The following ARB2A variants were observed in gnomAD, a reference collection of about 807,000 sequenced individuals.
The protein encoded by ARB2A is cotranscriptional regulator ARB2A.
At chr5:93,845,545 G>C in the ARB2A span, among the ~76,000 whole-genome samples, 1 of 152,202 alleles carries the variant, frequency 6.6e-6, no homozygotes, top group Admixed American at 6.5e-5. Flanking sequence ...GACTCAGCCA[G>C]TTTATATTTG....
At chr5:94,026,368 C>G in the ARB2A span, among the ~76,000 whole-genome samples, 1 of 151,622 alleles carries the variant, frequency 6.6e-6, no homozygotes, top group Non-Finnish European at 1.5e-5. Context: ...TGTCCTGTGT[C>G]CAAGAAGAAG....
the ARB2A span, among the ~76,000 whole-genome samples, chr5:94,034,764 C>T: frequency 6.6e-6 from 1 of 152,144 alleles, no homozygotes; most frequent in Non-Finnish European, 1.5e-5. Context: ...GTCCCAAACC[C>T]CCAGGCCACA....
chr5:93,790,553 C>A, the ARB2A span, among the ~76,000 whole-genome samples: 1 of 152,072 alleles, frequency 6.6e-6, no homozygotes, highest in South Asian at 2.1e-4. Flanking sequence ...CACACTAGAC[C>A]AGTCATACCA....
chr5:93,998,937 G>A, the ARB2A span, among the ~76,000 whole-genome samples: 13 of 151,996 alleles, frequency 8.6e-5, no homozygotes, highest in Non-Finnish European at 1.9e-4. Context: ...TCTTTTCTTA[G>A]ACAGGTACAT....
At chr5:93,748,742 GC>G in the ARB2A span, among the ~76,000 whole-genome samples, 1 of 151,662 alleles carries the variant, frequency 6.6e-6, no homozygotes, top group Non-Finnish European at 1.5e-5. Context: ...AGCCTCTATT[GC>G]CAGCTAAAAA....
the ARB2A span, among the ~76,000 whole-genome samples, chr5:93,948,215 T>G: frequency 2.0e-5 from 3 of 152,234 alleles, no homozygotes; most frequent in East Asian, 5.8e-4. Context: ...CTAACTGGTT[T>G]GAGATGGTAT....
the ARB2A span, among the ~76,000 whole-genome samples, chr5:93,685,576 G>A: frequency 5.3e-5 from 8 of 152,226 alleles, no homozygotes; most frequent in East Asian, 1.5e-3. Context: ...TCTAAAAGCT[G>A]ATTCTCTAAG....
the ARB2A span, among the ~76,000 whole-genome samples, chr5:93,773,983 C>T: frequency 6.6e-6 from 1 of 152,176 alleles, no homozygotes; most frequent in Non-Finnish European, 1.5e-5. Context: ...GCTTTGTAGC[C>T]TGGGCTGGTA....
the ARB2A span, among the ~76,000 whole-genome samples, chr5:93,684,574 T>A: frequency 5.3e-5 from 8 of 152,344 alleles, no homozygotes; most frequent in East Asian, 1.2e-3. Flanking sequence ...TATGTTTTGC[T>A]ACCCTCAGTA....
At chr5:93,715,905 C>T in the ARB2A span, among the ~76,000 whole-genome samples, 1 of 152,156 alleles carries the variant, frequency 6.6e-6, no homozygotes, top group Non-Finnish European at 1.5e-5. Flanking sequence ...ATTATGGACA[C>T]TTCCTAGCTT....
At chr5:93,823,164 T>A in the ARB2A span, among the ~76,000 whole-genome samples, 1 of 152,346 alleles carries the variant, frequency 6.6e-6, no homozygotes, top group East Asian at 1.9e-4. Context: ...GATTGGTAAC[T>A]TCCTGTAACA....
chr5:93,807,531 A>G, the ARB2A span, among the ~76,000 whole-genome samples: 1 of 151,950 alleles, frequency 6.6e-6, no homozygotes, highest in Non-Finnish European at 1.5e-5. Context: ...TTTCTTAAAC[A>G]CATAAAGCAA....
At chr5:93,882,862 C>A in the ARB2A span, among the ~76,000 whole-genome samples, 1 of 151,490 alleles carries the variant, frequency 6.6e-6, no homozygotes, top group Non-Finnish European at 1.5e-5. Flanking sequence ...CTTATAAAAT[C>A]TCATCCTTAC....
the ARB2A span, among the ~76,000 whole-genome samples, chr5:93,713,938 G>T: frequency 7.9e-5 from 12 of 152,174 alleles, no homozygotes; most frequent in Non-Finnish European, 1.6e-4. Context: ...GTTTACAGGG[G>T]TGAGGAGATA....
the ARB2A span, among the ~76,000 whole-genome samples, chr5:93,693,707 T>C: frequency 3.3e-5 from 5 of 152,192 alleles, no homozygotes; most frequent in African/African-American, 1.2e-4. Flanking sequence ...ACTCATTTTA[T>C]GAGGCCAGCA....
the ARB2A span, among the ~76,000 whole-genome samples, chr5:94,076,959 A>C: frequency 6.6e-6 from 1 of 152,186 alleles, no homozygotes; most frequent in South Asian, 2.1e-4. Context: ...TCATTATCAA[A>C]ATTCATATTT....
the ARB2A span, among the ~76,000 whole-genome samples, chr5:93,819,185 CAA>C: frequency 1.7e-3 from 155 of 93,168 alleles, no homozygotes; most frequent in African/African-American, 6.0e-3. Flanking sequence ...AACTCCGTCT[CAA>C]AAAAAAAAAA....
the ARB2A span, among the ~76,000 whole-genome samples, chr5:93,674,127 A>G: frequency 6.6e-6 from 1 of 152,196 alleles, no homozygotes; most frequent in Non-Finnish European, 1.5e-5. Context: ...AAACAAGATC[A>G]TGGGAATCAA....
At chr5:93,676,063 AG>A in the ARB2A span, among the ~76,000 whole-genome samples, 2 of 152,228 alleles carry the variant, frequency 1.3e-5, no homozygotes, top group African/African-American at 4.8e-5. Context: ...CTGATTAAAC[AG>A]GAAGTCTGGA....
Sources: allele counts gnomAD v4.1 joint callset (sites outside exome capture counted in the v4.1 genomes callset), GRCh38; gene constraint gnomAD v4.1.1; transcripts MANE v1.5; gene names NCBI Gene and HGNC (gene_info 2026-07-23, HGNC 2026-07-21).